Variants in CNTNAP5 observed in about 807,000 individuals in gnomAD.
The protein encoded by CNTNAP5 is contactin associated protein family member 5.
A neutral mutation model predicts 150.2 loss-of-function variants in CNTNAP5; 72 were observed. The observed-to-expected ratio is 0.48, with a 90% CI of 0.40 to 0.58. The LOEUF is 0.58. Among genes scored for constraint, CNTNAP5 ranks in the 20% least tolerant of loss-of-function variants. The pLI is 0.00. For synonymous variants in CNTNAP5, 672 were observed against 619.8 expected, an observed-to-expected ratio of 1.08 and a Z score of -1.25; for missense variants, 1,636 against 1,626.2, an observed-to-expected ratio of 1.01 and a Z score of -0.10.
intron 1 of CNTNAP5, among the ~76,000 whole-genome samples, chr2:124,151,946 G>A (rs925170070): frequency 6.6e-6 from 1 of 152,144 alleles, no homozygotes; most frequent in Non-Finnish European, 1.5e-5. Flanking sequence ...ACTTCTTAAG[G>A]GGTGGCTGAG....
intron 3 of CNTNAP5, among the ~76,000 whole-genome samples, chr2:124,304,022 C>A (rs548469190): frequency 1.3e-5 from 2 of 152,108 alleles, no homozygotes; most frequent in South Asian, 2.1e-4. Context: ...CAGAGTGAGA[C>A]CCTGTCTCAA....
chr2:124,205,100 G>A (rs776366334), intron 1 of CNTNAP5, among the ~76,000 whole-genome samples: 3 of 152,144 alleles, frequency 2.0e-5, no homozygotes, highest in Non-Finnish European at 4.4e-5. Context: ...GTTGGAAACT[G>A]GTACGGTGTG....
At chr2:124,697,420 G>A (rs1679427285) in intron 13 of CNTNAP5, among the ~76,000 whole-genome samples, 1 of 152,068 alleles carries the variant, frequency 6.6e-6, no homozygotes, top group South Asian at 2.1e-4. Flanking sequence ...TGAAAACCTT[G>A]ACAGCTTTGA....
intron 19 of CNTNAP5, among the ~76,000 whole-genome samples, chr2:124,864,806 T>C (rs1005434581): frequency 1.3e-5 from 2 of 152,144 alleles, no homozygotes; most frequent in African/African-American, 4.8e-5. Flanking sequence ...TAATGGACCC[T>C]AAAGGGTTAA....
chr2:124,378,584 AC>A (rs1363412696), intron 3 of CNTNAP5, among the ~76,000 whole-genome samples: 2 of 152,094 alleles, frequency 1.3e-5, no homozygotes, highest in African/African-American at 4.8e-5. Flanking sequence ...TACTTCTTCA[AC>A]AAAAGTCCTT....
chr2:124,187,266 A>G (rs576386931), intron 1 of CNTNAP5, among the ~76,000 whole-genome samples: 1 of 152,334 alleles, frequency 6.6e-6, no homozygotes, highest in Non-Finnish European at 1.5e-5. Flanking sequence ...TCACATTGCA[A>G]TAAATATTAC....
At chr2:124,507,706 T>TTTATC (rs1694446234) in intron 8 of CNTNAP5, among the ~76,000 whole-genome samples, 6 of 152,286 alleles carry the variant, frequency 3.9e-5, no homozygotes, top group Admixed American at 3.9e-4. Context: ...AGCCTTGTTG[T>TTTATC]AGCAATGCAG....
rs1465886434 is a variant in CNTNAP5, at chr2:124,919,335, T to C, written c.*5047T>C. Reference sequence around the variant, plus strand: ...TTTATCTTATTTTGCACTAAGGTACTCTGAGGAAGAACAGAAAAGCACATT... The same window carrying C: ...TTTATCTTATTTTGCACTAAGGTACCCTGAGGAAGAACAGAAAAGCACATT... On this transcript the variant is annotated 3_prime_UTR_variant, in exon 24 of 24. Transcript: ENST00000682447. Among the ~76,000 whole-genome samples the C allele has an allele frequency of 2.6e-5, 4 of 152,130 alleles. No individual in the cohort carries two copies. The highest frequency in any genetic ancestry group is 5.9e-5 in the Non-Finnish European group (4 of 68,004).
intron 1 of CNTNAP5, among the ~76,000 whole-genome samples, chr2:124,142,708 C>T (rs1410780582): frequency 1.6e-5 from 2 of 124,038 alleles, no homozygotes; most frequent in African/African-American, 6.5e-5. Flanking sequence ...AAATTGACAC[C>T]CTAACATCAC....
At chr2:124,383,126 A>G (rs931427993) in intron 3 of CNTNAP5, among the ~76,000 whole-genome samples, 3 of 152,132 alleles carry the variant, frequency 2.0e-5, no homozygotes, top group African/African-American at 7.2e-5. Context: ...AATGACCCGT[A>G]CATTTCCACA....
intron 3 of CNTNAP5, among the ~76,000 whole-genome samples, chr2:124,278,278 A>G (rs1490795250): frequency 2.2e-4 from 33 of 152,174 alleles, no homozygotes; most frequent in Admixed American, 2.2e-3. Flanking sequence ...AATTTCTACC[A>G]AAAGAATAAC....
intron 1 of CNTNAP5, among the ~76,000 whole-genome samples, chr2:124,026,564 A>G (rs1035337759): frequency 2.0e-5 from 3 of 152,224 alleles, no homozygotes; most frequent in African/African-American, 7.2e-5. Flanking sequence ...TGAGAGGTTC[A>G]GGCTCAATTC....
intron 3 of CNTNAP5, among the ~76,000 whole-genome samples, chr2:124,264,980 G>A (rs566095065): frequency 1.8e-4 from 28 of 152,308 alleles, no homozygotes; most frequent in Admixed American, 1.1e-3. Context: ...CACATGAAGC[G>A]TCAGTAACAC....
At position 124,918,895 on chromosome 2, in the gene CNTNAP5, T is replaced by G. The variant is rs1257604744; in HGVS notation, c.*4607T>G. On this transcript the variant is annotated 3_prime_UTR_variant, in exon 24 of 24. Transcript: ENST00000682447. ...TCAGAAGTCTAGGAGGATAACTGAGTGCTATTTTCTGTCTCATGCAGTTTG... is the reference window on the plus strand; with the variant it reads ...TCAGAAGTCTAGGAGGATAACTGAGGGCTATTTTCTGTCTCATGCAGTTTG... Among the ~76,000 whole-genome samples the G allele has an allele frequency of 2.6e-5, 4 of 152,106 alleles. No individual in the cohort carries two copies. Among genetic ancestry groups the G allele is most frequent in the Non-Finnish European group, 1.5e-5 (1 of 67,994 alleles).
intron 1 of CNTNAP5, among the ~76,000 whole-genome samples, chr2:124,099,557 G>T (rs1159453603): frequency 1.3e-5 from 2 of 152,096 alleles, no homozygotes; most frequent in Non-Finnish European, 2.9e-5. Flanking sequence ...TATAACCTAC[G>T]AGTTTGAGAT....
chr2:124,614,368 A>G (rs931753501), intron 12 of CNTNAP5, among the ~76,000 whole-genome samples: 1 of 152,202 alleles, frequency 6.6e-6, no homozygotes, highest in Non-Finnish European at 1.5e-5. Flanking sequence ...GAGTCTATAC[A>G]GTAAAGTTAA....
intron 3 of CNTNAP5, among the ~76,000 whole-genome samples, chr2:124,400,668 TG>T (rs1225184316): frequency 1.0e-4 from 8 of 76,742 alleles, no homozygotes; most frequent in South Asian, 6.3e-4. Context: ...ATAAAGGCAT[TG>T]TTTTTTTTTT....
intron 2 of CNTNAP5, among the ~76,000 whole-genome samples, chr2:124,230,741 A>G (rs1467456147): frequency 6.6e-6 from 1 of 152,008 alleles, no homozygotes; most frequent in Non-Finnish European, 1.5e-5. Flanking sequence ...CATATTGGTC[A>G]GACTGGTGTT....
intron 7 of CNTNAP5, among the ~76,000 whole-genome samples, chr2:124,488,073 C>A (rs190588267): frequency 1.7e-4 from 26 of 152,226 alleles, no homozygotes; most frequent in African/African-American, 6.3e-4. Flanking sequence ...ATTGCATTAC[C>A]ATTATTCATG....
Sources: gnomAD v4.1 joint callset for allele counts (sites outside exome capture counted in the v4.1 genomes callset) on GRCh38, gnomAD v4.1.1 for gene constraint, MANE v1.5 for transcripts, NCBI Gene and HGNC (gene_info 2026-07-23, HGNC 2026-07-21) for gene names.